The following ATXN3 variants were observed in gnomAD, a reference collection of about 807,000 sequenced individuals.
ATXN3 encodes the protein ataxin-3.
ATXN3 carries 28 observed loss-of-function variants against 58.2 expected under a neutral mutation model. The observed-to-expected ratio is 0.48, with a 90% CI of 0.36 to 0.66. The LOEUF is 0.66. Among genes scored for constraint, ATXN3 ranks in the 30% least tolerant of loss-of-function variants. The probability of loss-of-function intolerance (pLI) is 0.00; values close to 1 mark genes in which losing one functional copy is unlikely to be tolerated. For missense variants in ATXN3, 321 were observed against 422.1 expected (o/e 0.76, Z 2.10); for synonymous variants, 113 against 138.5 (o/e 0.82, Z 1.29).
At chr14:92,085,200 T>A (rs1156276703) in intron 6 of ATXN3, among the ~76,000 whole-genome samples, 1 of 150,356 alleles carries the variant, frequency 6.7e-6, no homozygotes, top group Non-Finnish European at 1.5e-5. Context: ...TTTTTTTTAA[T>A]TTTTTTTTGA....
At chr14:92,105,536 A>G (rs953362259) in intron 1 of ATXN3, among the ~76,000 whole-genome samples, 7 of 152,264 alleles carry the variant, frequency 4.6e-5, no homozygotes, top group African/African-American at 1.7e-4. Flanking sequence ...ATGATCATTT[A>G]TAAGTATTTA....
intron 3 of ATXN3, among the ~76,000 whole-genome samples, chr14:92,094,331 A>G (rs2064667046): frequency 6.6e-6 from 1 of 152,244 alleles, no homozygotes; most frequent in South Asian, 2.1e-4. Context: ...TTTTCATACC[A>G]GGTCTCTGAG....
chr14:92,099,626 T>TG (rs2066262207), intron 1 of ATXN3, among the ~76,000 whole-genome samples: 1 of 152,220 alleles, frequency 6.6e-6, no homozygotes, highest in South Asian at 2.1e-4. Context: ...CCCAGCATTT[T>TG]GGGAGGCCAA....
chr14:92,071,394 G>A (rs56116379), intron 9 of ATXN3, among the ~76,000 whole-genome samples: 1 of 152,020 alleles, frequency 6.6e-6, no homozygotes, highest in Non-Finnish European at 1.5e-5. Flanking sequence ...TCAGAAGTTT[G>A]ACACGAGCCT....
At chr14:92,071,575 C>T (rs939307389) in intron 9 of ATXN3, 3 of 293,530 alleles carry the variant, frequency 1.0e-5, no homozygotes, top group Admixed American at 4.7e-5. Flanking sequence ...CCAGCCTGGG[C>T]GACAGAGCGA....
intron 5 of ATXN3, among the ~76,000 whole-genome samples, chr14:92,089,021 CTT>C (rs397942802): frequency 1.4e-5 from 2 of 144,550 alleles, no homozygotes; most frequent in Admixed American, 7.0e-5. Flanking sequence ...CTATTAAATA[CTT>C]TTTTTTTTTT....
intron 1 of ATXN3, among the ~76,000 whole-genome samples, chr14:92,102,546 A>G (rs1382162350): frequency 2.0e-5 from 3 of 152,200 alleles, no homozygotes; most frequent in Non-Finnish European, 4.4e-5. Context: ...TGCTCTCGGG[A>G]ATGGGCTATC....
chr14:92,069,768 G>A (rs1040494886), intron 10 of ATXN3, among the ~76,000 whole-genome samples: 2 of 152,198 alleles, frequency 1.3e-5, no homozygotes, highest in African/African-American at 4.8e-5. Context: ...ACATGGCTAA[G>A]TATACATTTA....
chr14:92,084,618 C>A (rs2062040504), intron 6 of ATXN3, among the ~76,000 whole-genome samples: 1 of 151,634 alleles, frequency 6.6e-6, no homozygotes, highest in Non-Finnish European at 1.5e-5. Flanking sequence ...ACTCTGTCAC[C>A]CAGGCTGGAG....
At chr14:92,076,058 C>T (rs972269614) in intron 9 of ATXN3, among the ~76,000 whole-genome samples, 2 of 152,100 alleles carry the variant, frequency 1.3e-5, no homozygotes, top group Non-Finnish European at 2.9e-5. Flanking sequence ...GGTTGCCTGA[C>T]CCTGTTTACT....
intron 3 of ATXN3, among the ~76,000 whole-genome samples, chr14:92,094,519 T>G (rs1338361556): frequency 1.3e-5 from 2 of 152,244 alleles, no homozygotes; most frequent in Non-Finnish European, 2.9e-5. Context: ...TCAGAAATCA[T>G]ATCTACCAAA....
chr14:92,057,117 T>G (rs1235627567), downstream of ATXN3, among the ~76,000 whole-genome samples: 1 of 152,198 alleles, frequency 6.6e-6, no homozygotes, highest in Non-Finnish European at 1.5e-5. Flanking sequence ...AATCCACCCC[T>G]TGTTTAGCAT....
At chr14:92,069,185 T>C (rs373046214) in intron 10 of ATXN3, among the ~76,000 whole-genome samples, 75 of 150,756 alleles carry the variant, frequency 5.0e-4, no homozygotes, top group African/African-American at 1.7e-3. Context: ...TTCAAGTGAT[T>C]CTCCTGCCTC....
Position 92,064,355 on chromosome 14 carries a change from C to T in ATXN3, c.1051G>A (p.Val351Ile), listed in dbSNP as rs932157370. 4 of 1,612,602 alleles carry T rather than the reference C, an allele frequency of 2.5e-6. No homozygotes were observed. The highest frequency in any genetic ancestry group is 2.7e-5 in the African/African-American group (2 of 74,878). ...QAAVTMSLET[V>I]RNDLKTEGKK ...CCTTCTGTTTTCAAATCATTTCTGACAGTTTCTAAAGACATGGTCACAGCT... is the reference window on the plus strand; with the variant it reads ...CCTTCTGTTTTCAAATCATTTCTGATAGTTTCTAAAGACATGGTCACAGCT... The change falls in exon 11 of 11, where the codon GTC (valine) becomes ATC (isoleucine). Residue 351 changes from valine (V) to isoleucine (I), a missense_variant. Transcript: ENST00000644486.
At chr14:92,053,999 A>C (rs546158709), downstream of ATXN3, among the ~76,000 whole-genome samples, 17 of 151,632 alleles carry the variant, frequency 1.1e-4, no homozygotes, top group South Asian at 1.5e-3. Flanking sequence ...GCATGGCGCG[A>C]TATCTGCTTA....
intron 1 of ATXN3, among the ~76,000 whole-genome samples, chr14:92,105,688 A>G (rs17127945): frequency 0.15 from 22,260 of 152,244 alleles, 1,979 homozygotes; most frequent in East Asian, 0.38. Context: ...ATGGCTGGAT[A>G]ATAGTATGAG....
chr14:92,046,601 C>T (rs541712043), intron 2 of ATXN3, among the ~76,000 whole-genome samples: 1 of 152,106 alleles, frequency 6.6e-6, no homozygotes, highest in South Asian at 2.1e-4. Context: ...GTGGGAGCAG[C>T]TTTTAGGGCT....
intron 5 of ATXN3, among the ~76,000 whole-genome samples, chr14:92,092,436 G>A (rs1363399817): frequency 6.6e-6 from 1 of 152,122 alleles, no homozygotes; most frequent in Admixed American, 6.5e-5. Context: ...TTAAAAAATA[G>A]AAGTGATTTT....
At chr14:92,091,450 C>G (rs1462972224) in intron 5 of ATXN3, among the ~76,000 whole-genome samples, 4 of 82,714 alleles carry the variant, frequency 4.8e-5, no homozygotes, top group African/African-American at 1.1e-4. Context: ...GAATCCGTCT[C>G]AAAAGAAGGA....
Sources: allele counts gnomAD v4.1 joint callset (sites outside exome capture counted in the v4.1 genomes callset), GRCh38; gene constraint gnomAD v4.1.1; transcripts MANE v1.5; gene names NCBI Gene and HGNC (gene_info 2026-07-23, HGNC 2026-07-21).